Variants in PLD5 observed in about 807,000 individuals in gnomAD.
PLD5 encodes inactive phospholipase D5.
Under a neutral mutation model 61.1 loss-of-function variants are expected in PLD5, and 36 were observed. The observed-to-expected ratio is 0.59, with a 90% CI of 0.45 to 0.78. PLD5 has a LOEUF of 0.78. Ranked by LOEUF, PLD5 falls within the 30% of genes least tolerant of loss-of-function variation. The pLI is 0.00. For missense variants in PLD5, 515 were observed against 644.4 expected, an observed-to-expected ratio of 0.80 and a Z score of 2.17; for synonymous variants, 243 against 242.8, an observed-to-expected ratio of 1.00 and a Z score of -0.01.
At chr1:242,493,715 T>C (rs1668250803) in intron 1 of PLD5, among the ~76,000 whole-genome samples, 1 of 152,048 alleles carries the variant, frequency 6.6e-6, no homozygotes, top group Non-Finnish European at 1.5e-5. Flanking sequence ...ACACATGCCC[T>C]CTGGGGCCTC....
At chr1:242,389,131 A>G (rs953487068) in intron 1 of PLD5, among the ~76,000 whole-genome samples, 10 of 152,118 alleles carry the variant, frequency 6.6e-5, no homozygotes, top group Admixed American at 2.6e-4. Flanking sequence ...ACCAGGCATA[A>G]TAACACGAGT....
At chr1:242,299,703 G>A (rs750343030) in intron 2 of PLD5, among the ~76,000 whole-genome samples, 22 of 152,318 alleles carry the variant, frequency 1.4e-4, no homozygotes, top group Admixed American at 1.0e-3. Context: ...CTGTTAGGAC[G>A]TATTCTCTCA....
At chr1:242,194,591 T>TATCTATCTATCTATCTATCTATCTA (rs1558328438) in intron 5 of PLD5, among the ~76,000 whole-genome samples, 4 of 74,402 alleles carry the variant, frequency 5.4e-5, no homozygotes, top group African/African-American at 2.6e-4. Flanking sequence ...TCTATCTATC[T>TATCTATCTATCTATCTATCTATCTA]ATCTATCTAT....
intron 1 of PLD5, among the ~76,000 whole-genome samples, chr1:242,478,687 A>G (rs1245337428): frequency 6.6e-6 from 1 of 152,210 alleles, no homozygotes; most frequent in African/African-American, 2.4e-5. Flanking sequence ...TTTCTTTGAT[A>G]TTCCCTGGAC....
At chr1:242,450,288 C>T (rs1238103304) in intron 1 of PLD5, among the ~76,000 whole-genome samples, 4 of 152,228 alleles carry the variant, frequency 2.6e-5, no homozygotes, top group Non-Finnish European at 5.9e-5. Context: ...AAATTGTTTA[C>T]TTGCCTTTCC....
chr1:242,388,944 ACT>A (rs1662761379), intron 1 of PLD5, among the ~76,000 whole-genome samples: 2 of 151,878 alleles, frequency 1.3e-5, no homozygotes, highest in Non-Finnish European at 2.9e-5. Context: ...ACAGAATGAG[ACT>A]CTGTCTCAAA....
At chr1:242,420,958 G>T (rs966653161) in intron 1 of PLD5, among the ~76,000 whole-genome samples, 1 of 152,086 alleles carries the variant, frequency 6.6e-6, no homozygotes, top group Non-Finnish European at 1.5e-5. Flanking sequence ...GAGCCAGGCG[G>T]ATCACGAGGT....
chr1:242,185,077 C>G (rs1667784655), intron 5 of PLD5, among the ~76,000 whole-genome samples: 1 of 152,208 alleles, frequency 6.6e-6, no homozygotes, highest in Admixed American at 6.5e-5. Flanking sequence ...GCAATGGTGA[C>G]TTACCAAGAC....
intron 1 of PLD5, among the ~76,000 whole-genome samples, chr1:242,459,712 C>T (rs1667056275): frequency 6.6e-6 from 1 of 152,190 alleles, no homozygotes; most frequent in African/African-American, 2.4e-5. Flanking sequence ...GCGTGATGTG[C>T]TTCCCCCTAC....
chr1:242,467,381 T>A (rs1005766568), intron 1 of PLD5, among the ~76,000 whole-genome samples: 1 of 152,192 alleles, frequency 6.6e-6, no homozygotes, highest in Non-Finnish European at 1.5e-5. Flanking sequence ...GTGGTTATAG[T>A]AGTCTGTGCA....
intron 5 of PLD5, among the ~76,000 whole-genome samples, chr1:242,189,762 G>A (rs1668132101): frequency 6.6e-6 from 1 of 152,160 alleles, no homozygotes; most frequent in Non-Finnish European, 1.5e-5. Context: ...GCTCTGAGGG[G>A]GCAGCACTGA....
At chr1:242,117,397 T>C (rs1413303388) in intron 6 of PLD5, among the ~76,000 whole-genome samples, 1 of 152,130 alleles carries the variant, frequency 6.6e-6, no homozygotes, top group Non-Finnish European at 1.5e-5. Context: ...TTTTTTTTTT[T>C]TTTAGATGGA....
chr1:242,494,710 G>A (rs375996221), intron 1 of PLD5, among the ~76,000 whole-genome samples: 1 of 152,122 alleles, frequency 6.6e-6, no homozygotes, highest in African/African-American at 2.4e-5. Context: ...CATCCAGAGA[G>A]TCTCAATAAC....
chr1:242,431,154 C>A (rs1665694648), intron 1 of PLD5, among the ~76,000 whole-genome samples: 2 of 152,138 alleles, frequency 1.3e-5, no homozygotes, highest in Admixed American at 1.3e-4. Flanking sequence ...TGTTGCGTAA[C>A]CATCACTCCC....
intron 1 of PLD5, among the ~76,000 whole-genome samples, chr1:242,372,169 C>A (rs555071719): frequency 6.6e-5 from 10 of 152,174 alleles, no homozygotes; most frequent in Admixed American, 3.9e-4. Flanking sequence ...TTTCCCTTCT[C>A]TTCATCATTA....
chr1:242,142,168 A>G (rs1282771846), intron 5 of PLD5, among the ~76,000 whole-genome samples: 2 of 152,198 alleles, frequency 1.3e-5, no homozygotes, highest in African/African-American at 4.8e-5. Context: ...TCATCTCCTC[A>G]GAGGACAGCT....
At chr1:242,279,103 G>A (rs1281032178) in intron 3 of PLD5, among the ~76,000 whole-genome samples, 4 of 152,210 alleles carry the variant, frequency 2.6e-5, no homozygotes, top group South Asian at 2.1e-4. Context: ...TAAATACGAT[G>A]TGGGTCCTAG....
chr1:242,146,779 A>G (rs1320697026), intron 5 of PLD5, among the ~76,000 whole-genome samples: 1 of 152,206 alleles, frequency 6.6e-6, no homozygotes, highest in African/African-American at 2.4e-5. Context: ...GCTTAGTGCA[A>G]GAGAATGCTA....
At chr1:242,399,329 G>A (rs187030924) in intron 1 of PLD5, among the ~76,000 whole-genome samples, 2 of 152,258 alleles carry the variant, frequency 1.3e-5, no homozygotes, top group East Asian at 3.9e-4. Flanking sequence ...GAAATCTCAT[G>A]CATTCAACAT....
Sources: gnomAD v4.1 joint callset for allele counts (sites outside exome capture counted in the v4.1 genomes callset) on GRCh38, gnomAD v4.1.1 for gene constraint, MANE v1.5 for transcripts, NCBI Gene and HGNC (gene_info 2026-07-23, HGNC 2026-07-21) for gene names.